The following NAALADL2 variants were observed in gnomAD, a reference collection of about 807,000 sequenced individuals.
NAALADL2 encodes the protein inactive N-acetylated-alpha-linked acidic dipeptidase-like protein 2.
Under a neutral mutation model 87.2 loss-of-function variants are expected in NAALADL2, and 76 were observed. The ratio of observed to expected loss-of-function variants is 0.87; its 90% CI spans 0.72 to 1.05. The LOEUF is 1.05. Among genes scored for constraint, NAALADL2 ranks in the 50% least tolerant of loss-of-function variants. NAALADL2 has a pLI of 0.00. For missense variants in NAALADL2, 1,089 were observed against 945.8 expected (o/e 1.15, Z -1.99); for synonymous variants, 354 against 331.0 (o/e 1.07, Z -0.75).
intron 1 of NAALADL2, among the ~76,000 whole-genome samples, chr3:175,048,248 T>C (rs1375526695): frequency 6.6e-6 from 1 of 152,208 alleles, no homozygotes; most frequent in African/African-American, 2.4e-5. Context: ...GGAAAATATC[T>C]TTTAGAGTTA....
chr3:175,324,459 A>G (rs534609932), intron 5 of NAALADL2, 134 bp downstream of exon 5: 10 of 706,404 alleles, frequency 1.4e-5, no homozygotes, highest in Admixed American at 7.2e-5. Context: ...TTAAAAAGCA[A>G]TTTATTTTTT....
At chr3:175,406,618 A>C (rs2149076630) in intron 5 of NAALADL2, among the ~76,000 whole-genome samples, 1 of 152,306 alleles carries the variant, frequency 6.6e-6, no homozygotes, top group East Asian at 1.9e-4. Context: ...TGGTTACATA[A>C]AGACATAATA....
intron 1 of NAALADL2, among the ~76,000 whole-genome samples, chr3:174,945,105 A>G (rs773980335): frequency 1.3e-5 from 2 of 152,212 alleles, no homozygotes; most frequent in Non-Finnish European, 2.9e-5. Context: ...TGAAAAGATC[A>G]TGCAGTGCTT....
intron 3 of NAALADL2, among the ~76,000 whole-genome samples, chr3:174,763,846 A>G (rs1417039714): frequency 6.6e-6 from 1 of 151,676 alleles, no homozygotes; most frequent in African/African-American, 2.4e-5. Flanking sequence ...AAAAAAACAA[A>G]CAAAATTTAA....
At chr3:174,639,847 A>C (rs1722997769) in intron 2 of NAALADL2, among the ~76,000 whole-genome samples, 1 of 152,220 alleles carries the variant, frequency 6.6e-6, no homozygotes, top group Non-Finnish European at 1.5e-5. Flanking sequence ...GTGGGATATA[A>C]ATATTATAAT....
intron 2 of NAALADL2, among the ~76,000 whole-genome samples, chr3:175,149,296 A>C (rs1731207469): frequency 6.6e-6 from 1 of 152,194 alleles, no homozygotes; most frequent in Admixed American, 6.5e-5. Flanking sequence ...GTGATTGTCA[A>C]CTTTTAATTT....
intron 2 of NAALADL2, among the ~76,000 whole-genome samples, chr3:174,705,703 A>T (rs1337038053): frequency 6.6e-6 from 1 of 151,558 alleles, no homozygotes; most frequent in Non-Finnish European, 1.5e-5. Flanking sequence ...GAATGGCGTG[A>T]ACCCGGGAGG....
chr3:174,598,701 AT>A (rs1718156222), intron 2 of NAALADL2, among the ~76,000 whole-genome samples: 1 of 152,138 alleles, frequency 6.6e-6, no homozygotes, highest in South Asian at 2.1e-4. Flanking sequence ...GGGCTTTTAG[AT>A]TTGGACAGCA....
chr3:175,459,340 G>C (rs986245784), intron 6 of NAALADL2, among the ~76,000 whole-genome samples: 2 of 151,996 alleles, frequency 1.3e-5, no homozygotes, highest in Non-Finnish European at 2.9e-5. Context: ...GATAGATACA[G>C]CCATAGATAG....
intron 3 of NAALADL2, among the ~76,000 whole-genome samples, chr3:174,840,655 T>A (rs867675018): frequency 7.2e-5 from 11 of 152,154 alleles, no homozygotes; most frequent in South Asian, 2.1e-4. Flanking sequence ...TGTGATTTTT[T>A]AAAATTTCAT....
At chr3:175,511,385 AC>A (rs1413823842) in intron 9 of NAALADL2, among the ~76,000 whole-genome samples, 1 of 152,174 alleles carries the variant, frequency 6.6e-6, no homozygotes, top group African/African-American at 2.4e-5. Context: ...ATTCAATCTG[AC>A]TGATGTCCTT....
At chr3:175,753,457 A>G (rs1746862827) in intron 12 of NAALADL2, among the ~76,000 whole-genome samples, 1 of 152,130 alleles carries the variant, frequency 6.6e-6, no homozygotes, top group South Asian at 2.1e-4. Context: ...GAATTTCAAC[A>G]CGGTGCTGGG....
At chr3:175,011,782 C>T (rs900873005) in intron 1 of NAALADL2, among the ~76,000 whole-genome samples, 1 of 152,136 alleles carries the variant, frequency 6.6e-6, no homozygotes, top group Non-Finnish European at 1.5e-5. Flanking sequence ...GAGTGTATTA[C>T]TAAGTTATGT....
At chr3:174,802,687 G>A (rs1718983448) in intron 3 of NAALADL2, among the ~76,000 whole-genome samples, 1 of 152,140 alleles carries the variant, frequency 6.6e-6, no homozygotes, top group Admixed American at 6.6e-5. Flanking sequence ...CTGTGTCTAT[G>A]TGTTCCTGTT....
chr3:175,137,356 AAC>A (rs1281197785), intron 2 of NAALADL2, among the ~76,000 whole-genome samples: 1 of 152,116 alleles, frequency 6.6e-6, no homozygotes, highest in African/African-American at 2.4e-5. Context: ...AGAATTTCAT[AAC>A]ACATTATTTC....
At chr3:175,289,761 A>T (rs2110134141) in intron 4 of NAALADL2, among the ~76,000 whole-genome samples, 1 of 152,158 alleles carries the variant, frequency 6.6e-6, no homozygotes, top group Non-Finnish European at 1.5e-5. Flanking sequence ...AGGAGTTTGA[A>T]TCCTGCCTGG....
At chr3:175,066,291 G>T (rs1018648747) in intron 1 of NAALADL2, among the ~76,000 whole-genome samples, 1 of 152,096 alleles carries the variant, frequency 6.6e-6, no homozygotes, top group African/African-American at 2.4e-5. Flanking sequence ...CTTCTCTGAG[G>T]AGCCTTTCCT....
intron 5 of NAALADL2, among the ~76,000 whole-genome samples, chr3:175,396,555 A>G (rs1013871068): frequency 6.6e-6 from 1 of 151,598 alleles, no homozygotes; most frequent in African/African-American, 2.4e-5. Flanking sequence ...TTTTCCTTGC[A>G]TTAAGTCCCA....
intron 9 of NAALADL2, among the ~76,000 whole-genome samples, chr3:175,559,471 A>T (rs987857165): frequency 1.3e-5 from 2 of 152,064 alleles, no homozygotes; most frequent in Non-Finnish European, 2.9e-5. Context: ...GACTTCCAGT[A>T]CTATGTTGAA....
Sources: gnomAD v4.1 joint callset for allele counts (sites outside exome capture counted in the v4.1 genomes callset) on GRCh38, gnomAD v4.1.1 for gene constraint, MANE v1.5 for transcripts, NCBI Gene and HGNC (gene_info 2026-07-23, HGNC 2026-07-21) for gene names.